Variants in RAB33B observed in about 807,000 individuals in gnomAD.
RAB33B encodes the protein ras-related protein Rab-33B.
A neutral mutation model predicts 15.0 loss-of-function variants in RAB33B; 6 were observed. The ratio of observed to expected loss-of-function variants is 0.40; its 90% CI spans 0.22 to 0.79. The LOEUF (loss-of-function observed/expected upper bound fraction) is 0.79. Ranked by LOEUF, RAB33B falls within the 30% of genes least tolerant of loss-of-function variation. The pLI, the probability that RAB33B is intolerant of heterozygous loss-of-function variation, is 0.37. For synonymous variants in RAB33B, 117 were observed against 108.3 expected (o/e 1.08, Z -0.50); for missense variants, 257 against 296.4 (o/e 0.87, Z 0.98).
chr4:139,456,059 G>T (rs377075993), intron 1 of RAB33B, among the ~76,000 whole-genome samples: 12 of 152,292 alleles, frequency 7.9e-5, no homozygotes, highest in East Asian at 5.8e-4. Flanking sequence ...CGAAAAACTG[G>T]GATCATGATA....
the RAB33B span, among the ~76,000 whole-genome samples, chr4:139,439,380 A>T: frequency 0.21 from 31,265 of 152,158 alleles, 3,547 homozygotes; most frequent in Non-Finnish European, 0.26. Flanking sequence ...TCTGGCTTCC[A>T]AAGTTTTTGA....
At chr4:139,466,752 G>C (rs1750294325) in intron 1 of RAB33B, among the ~76,000 whole-genome samples, 1 of 151,454 alleles carries the variant, frequency 6.6e-6, no homozygotes, top group African/African-American at 2.4e-5. Context: ...CTAATTTTTT[G>C]TATCTTTGGT....
At chr4:139,444,932 G>T in the RAB33B span, among the ~76,000 whole-genome samples, 2 of 152,204 alleles carry the variant, frequency 1.3e-5, no homozygotes, top group African/African-American at 4.8e-5. Context: ...CACATCCCTG[G>T]AGGGGTTGCG....
At chr4:139,462,914 G>A (rs1383184341) in intron 1 of RAB33B, among the ~76,000 whole-genome samples, 1 of 152,192 alleles carries the variant, frequency 6.6e-6, no homozygotes, top group East Asian at 1.9e-4. Flanking sequence ...CATGGCTCAT[G>A]CATGTAATCT....
At position 139,473,074 on chromosome 4, in the gene RAB33B, A is replaced by G. The variant is rs1201049287; in HGVS notation, c.638A>G (p.Asn213Ser). The change falls in exon 2 of 2, where the codon AAT becomes AGT. Residue 213 changes from asparagine to serine, a missense_variant. By Grantham distance (46) the Asn-to-Ser change is conservative. Transcript: ENST00000305626. ...TTAATGCTTAGTCAGCCCCCTGATA[A>G]TGGAATTATCCTGAAGCCTGAACCA... ...KPLMLSQPPD[N>S]GIILKPEPKP... is the part of the protein sequence containing the mutation. The G allele has an allele frequency of 6.2e-7, 1 of 1,613,774 alleles. No individual in the cohort carries two copies. Among genetic ancestry groups the G allele is most frequent in the Admixed American group, 1.7e-5 (1 of 59,986 alleles).
intron 1 of RAB33B, among the ~76,000 whole-genome samples, chr4:139,463,875 C>G (rs1365155096): frequency 2.0e-5 from 3 of 152,200 alleles, no homozygotes; most frequent in Non-Finnish European, 4.4e-5. Flanking sequence ...CTAAGCCTTC[C>G]CATCATTTAG....
Position 139,454,173 on chromosome 4 carries a change from T to C in RAB33B, c.-23T>C, listed in dbSNP as rs1366560691. 1 of 1,594,686 alleles carries C rather than the reference T, an allele frequency of 6.3e-7. No homozygotes were observed. Among genetic ancestry groups the C allele is most frequent in the Non-Finnish European group, 8.6e-7 (1 of 1,169,146 alleles). ...CTTTCTGTGTCTCCTTTCCTCCGCC[T>C]CAGTTTGGGGCGGGTCGGGGGAATG... On this transcript the variant is annotated 5_prime_UTR_variant, in exon 1 of 2. Coordinates refer to ENST00000305626, the MANE Select transcript of RAB33B (RefSeq NM_031296.3).
chr4:139,469,827 C>T (rs2111084647), intron 1 of RAB33B, among the ~76,000 whole-genome samples: 1 of 152,314 alleles, frequency 6.6e-6, no homozygotes, highest in South Asian at 2.1e-4. Flanking sequence ...GCTTCCTTCC[C>T]TTACTTTCTT....
intron 1 of RAB33B, among the ~76,000 whole-genome samples, chr4:139,457,707 A>C (rs1345542098): frequency 1.3e-5 from 2 of 152,230 alleles, no homozygotes; most frequent in Non-Finnish European, 2.9e-5. Flanking sequence ...TTGAGGGCCA[A>C]AAATGGTCTT....
rs1482049473 is a variant in RAB33B, at chr4:139,468,303, G to A, written c.250-4383G>A. Among the ~76,000 whole-genome samples, 6 of 152,126 alleles carry A rather than the reference G, an allele frequency of 3.9e-5. No homozygotes were observed. The East Asian group carries it at 9.6e-4, about 24-fold the overall frequency. On this transcript the variant is annotated intron_variant, in intron 1 of 1. Transcript: ENST00000305626. ...GGGAAATACCTGCCCCCATAATTCA[G>A]TTACCTCTCACAGGGTCCCTCCCAC...
chr4:139,459,103 T>G (rs2111072879), intron 1 of RAB33B, among the ~76,000 whole-genome samples: 1 of 150,226 alleles, frequency 6.7e-6, no homozygotes, highest in African/African-American at 2.4e-5. Context: ...TTAATGGGGT[T>G]GTTTCTATTA....
At chr4:139,447,919 G>A in the RAB33B span, among the ~76,000 whole-genome samples, 4 of 151,652 alleles carry the variant, frequency 2.6e-5, no homozygotes, top group South Asian at 6.3e-4. Flanking sequence ...TGCCCGCCTC[G>A]GCCTCCCAAA....
chr4:139,447,025 A>C, the RAB33B span, among the ~76,000 whole-genome samples: 1 of 152,186 alleles, frequency 6.6e-6, no homozygotes, highest in African/African-American at 2.4e-5. Context: ...CCTGCATGCA[A>C]TGCTTCTGCC....
intron 1 of RAB33B, among the ~76,000 whole-genome samples, chr4:139,468,170 G>A (rs1362985497): frequency 6.6e-6 from 1 of 152,062 alleles, no homozygotes; most frequent in Non-Finnish European, 1.5e-5. Flanking sequence ...AAGGTGAAAG[G>A]CATATCTCAC....
chr4:139,466,387 T>G (rs1377494915), intron 1 of RAB33B, among the ~76,000 whole-genome samples: 1 of 152,168 alleles, frequency 6.6e-6, no homozygotes, highest in Non-Finnish European at 1.5e-5. Flanking sequence ...TGAATATAAT[T>G]TGCTTAAAAC....
At chr4:139,443,069 C>A in the RAB33B span, among the ~76,000 whole-genome samples, 2 of 151,838 alleles carry the variant, frequency 1.3e-5, no homozygotes, top group South Asian at 2.1e-4. Flanking sequence ...CTTGGCTCAC[C>A]GCAAGCTCTG....
At chr4:139,470,059 CTA>C (rs959362809) in intron 1 of RAB33B, among the ~76,000 whole-genome samples, 21 of 152,224 alleles carry the variant, frequency 1.4e-4, no homozygotes, top group African/African-American at 5.1e-4. Context: ...TGGCTACCGC[CTA>C]TGTTTACTCA....
intron 1 of RAB33B, among the ~76,000 whole-genome samples, chr4:139,466,340 A>G (rs1012037475): frequency 5.3e-5 from 8 of 152,182 alleles, no homozygotes; most frequent in African/African-American, 1.9e-4. Flanking sequence ...ATATTTTGGT[A>G]TATTTCCTTT....
At chr4:139,464,662 G>A (rs1750245477) in intron 1 of RAB33B, among the ~76,000 whole-genome samples, 1 of 152,098 alleles carries the variant, frequency 6.6e-6, no homozygotes, top group Non-Finnish European at 1.5e-5. Flanking sequence ...CCTTGTGATA[G>A]TTTGCTGAGA....
Sources: gnomAD v4.1 joint callset for allele counts (sites outside exome capture counted in the v4.1 genomes callset) on GRCh38, gnomAD v4.1.1 for gene constraint, MANE v1.5 for transcripts, NCBI Gene and HGNC (gene_info 2026-07-23, HGNC 2026-07-21) for gene names.